Variants in ATG2A observed in about 807,000 individuals in gnomAD.
ATG2A encodes autophagy-related protein 2 homolog A.
Under a neutral mutation model 214.2 loss-of-function variants are expected in ATG2A, and 103 were observed. The ratio of observed to expected loss-of-function variants is 0.48; its 90% CI spans 0.41 to 0.57. The LOEUF is 0.57. Among genes scored for constraint, ATG2A ranks in the 20% least tolerant of loss-of-function variants. The pLI is 0.00. For missense variants in ATG2A, 2,312 were observed against 2,613.2 expected, an observed-to-expected ratio of 0.88 and a Z score of 2.51; for synonymous variants, 1,160 against 1,142.1, an observed-to-expected ratio of 1.02 and a Z score of -0.32.
At position 64,897,213 on chromosome 11, in the gene ATG2A, G is replaced by T. The variant is rs570561764; in HGVS notation, c.5150+199C>A. The T allele has an allele frequency of 2.4e-5, 16 of 655,472 alleles. No homozygotes were observed. In the East Asian group the frequency reaches 3.1e-4, roughly 13 times the overall value. The allele number at this position is 655,472 out of a possible 1,614,324, so 40.6% of individuals were successfully genotyped here. ...TTGTATTTTTAGTAGAGACGGGGGGGTTTCACCATGTTGGTCAGGCTGGTC... is the reference window on the plus strand; with the variant it reads ...TTGTATTTTTAGTAGAGACGGGGGGTTTTCACCATGTTGGTCAGGCTGGTC... On this transcript the variant is annotated intron_variant, in intron 37 of 40. Transcript: ENST00000377264.
chr11:64,909,387 TA>T lies in ATG2A; in HGVS notation c.2108-21del. 1 of 1,602,182 alleles carries T rather than the reference TA, an allele frequency of 6.2e-7. No homozygotes were observed. Among genetic ancestry groups the T allele is most frequent in the South Asian group, 1.1e-5 (1 of 90,820 alleles). On this transcript the variant is annotated intron_variant, in intron 14 of 40. Transcript: ENST00000377264. The stretch of plus-strand genomic sequence containing the variant: ...AGATACCTGGAGGGGGATGGGGAAT[TA>T]GGGGGGTCATCACTGCTGCCTTTTC...
At chr11:64,915,661 G>A (rs925262551) in intron 1 of ATG2A, among the ~76,000 whole-genome samples, 5 of 152,120 alleles carry the variant, frequency 3.3e-5, no homozygotes, top group African/African-American at 4.8e-5. Context: ...GAGTAGGGGC[G>A]TTTTCTGGAG....
Position 64,906,796 on chromosome 11 carries a change from A to G in ATG2A, c.2852T>C (p.Leu951Pro). 1 of 1,613,282 alleles carries G rather than the reference A, an allele frequency of 6.2e-7. No individual in the cohort carries two copies. Among genetic ancestry groups the G allele is most frequent in the Non-Finnish European group, 8.5e-7 (1 of 1,179,906 alleles). ...CETKDEGGKR[L>P]EAVHGELVLD... Reference sequence around the variant, plus strand: ...CACCAGCTCCCCGTGCACAGCCTCCAGCCGCTTCCCACCCTCATCCTGCAG... The same window carrying G: ...CACCAGCTCCCCGTGCACAGCCTCCGGCCGCTTCCCACCCTCATCCTGCAG... The change falls in exon 20 of 41, where the codon CTG becomes CCG. Residue 951 changes from leucine to proline, a missense_variant. By Grantham distance (98) the Leu-to-Pro change is moderately conservative (BLOSUM62 -3). Transcript: ENST00000377264.
chr11:64,912,625 C>A, intron 6 of ATG2A: 1 of 563,510 alleles, frequency 1.8e-6, no homozygotes, highest in Non-Finnish European at 3.1e-6. Flanking sequence ...TGGAGTTTCA[C>A]TCTTGTTGCC....
At position 64,898,214 on chromosome 11, in the gene ATG2A, G is replaced by A. The variant is rs1466869042; in HGVS notation, c.4774-44C>T. ...GATGTGGATCAGACTCAGAGGCCTG[G>A]AGACAGTGGGGTCACCCTAGGCTCT... On this transcript the variant is annotated intron_variant, in intron 33 of 40. Coordinates refer to ENST00000377264, the MANE Select transcript of ATG2A (RefSeq NM_015104.3). The surrounding 1 kb of genome is among the most constrained non-coding windows in gnomAD (Gnocchi z 4.5). 8.1e-6 allele frequency: 13 copies of A among 1,613,630 alleles called. No homozygotes were observed. Among genetic ancestry groups the A allele is most frequent in the African/African-American group, 1.3e-5 (1 of 74,906 alleles).
chr11:64,900,765 G>A, intron 30 of ATG2A, 119 bp downstream of exon 30: 4 of 1,441,184 alleles, frequency 2.8e-6, no homozygotes, highest in Non-Finnish European at 3.7e-6. Flanking sequence ...GGAAGGATGA[G>A]GAAACTGAGG....
chr11:64,902,596 G>A lies in ATG2A; in HGVS notation c.3697C>T (p.Leu1233=), dbSNP rs774129863. The change falls in exon 27 of 41, where the codon CTG becomes TTG. Residue 1233 remains leucine (L), a synonymous_variant. Transcript: ENST00000377264. ...CADSCALLVN[L]LQYVMSTGDL... ...CCTGTGCTCATTACGTACTGGAGCA[G>A]GTTGACCAGCAGGGCACAGGAGTCG... 4.3e-6 allele frequency: 7 copies of A among 1,609,766 alleles called. No homozygotes were observed. In the Admixed American group the frequency reaches 8.3e-5, roughly 19 times the overall value.
At chr11:64,908,018 G>T in intron 16 of ATG2A, 128 bp from the exon 17 acceptor site, 1 of 1,130,302 alleles carries the variant, frequency 8.8e-7, no homozygotes, top group Non-Finnish European at 1.3e-6. Context: ...TTCTCTACTG[G>T]GGATGCATGA....
At position 64,906,024 on chromosome 11, in the gene ATG2A, C is replaced by T. The variant is rs1053414741; in HGVS notation, c.3264+89G>A. ...GCTGTGGCCCAGTCCATGTTCCTCCCACCGGCCTCCTCCCACCTAGAGACC... is the reference window on the plus strand; with the variant it reads ...GCTGTGGCCCAGTCCATGTTCCTCCTACCGGCCTCCTCCCACCTAGAGACC... On this transcript the variant is annotated intron_variant, in intron 22 of 40. Transcript: ENST00000377264. 1.1e-4 allele frequency: 158 copies of T among 1,468,826 alleles called. 3 individuals are homozygous for T. The South Asian group carries it at 1.9e-3, about 17-fold the overall frequency. The allele number at this position is 1,468,826 out of a possible 1,614,324, so 91.0% of individuals were successfully genotyped here.
At chr11:64,900,465 G>A (rs751814777) in intron 31 of ATG2A, 29 bp downstream of exon 31, 107 of 1,612,540 alleles carry the variant, frequency 6.6e-5, no homozygotes, top group Admixed American at 2.0e-4. Context: ...TGACACACAC[G>A]TGTAGTAGGC....
intron 31 of ATG2A, among the ~76,000 whole-genome samples, chr11:64,899,364 G>C (rs1423853826): frequency 6.6e-6 from 1 of 152,116 alleles, no homozygotes; most frequent in African/African-American, 2.4e-5. Context: ...TCTCCGTGGA[G>C]AGCCTTCCTT....
rs776692434 is a variant in ATG2A, at chr11:64,905,836, G to T, written c.3277C>A (p.Leu1093Ile). The T allele has an allele frequency of 5.9e-5, 95 of 1,613,364 alleles. No individual in the cohort carries two copies. Among genetic ancestry groups the T allele is most frequent in the Non-Finnish European group, 6.7e-5 (79 of 1,180,002 alleles). Reference sequence around the variant, plus strand: ...AGCACAGGGTCATCCAGCACGTCTAGGAACTCCAACAACTTCAGAGGCCAG... The same window carrying T: ...AGCACAGGGTCATCCAGCACGTCTATGAACTCCAACAACTTCAGAGGCCAG... ...QSWHSQLLEF[L>I]DVLDDPVLGY... Residue 1093 changes from leucine (L) to isoleucine (I), a missense_variant, in exon 23 of 41, where the codon CTA becomes ATA. Coordinates refer to ENST00000377264, the MANE Select transcript of ATG2A (RefSeq NM_015104.3).
In ATG2A at chr11:64,895,089, G is replaced by A. The variant is rs745402992; in HGVS notation, c.5701C>T (p.Leu1901Phe). 9.3e-6 allele frequency: 15 copies of A among 1,612,904 alleles called. No homozygotes were observed. Among genetic ancestry groups the A allele is most frequent in the South Asian group, 4.4e-5 (4 of 91,068 alleles). ...RQLPPTVVKP[L>F]ILATEATSSL... ...GACGTGGCCTCCGTGGCCAGGATGA[G>A]CGGCTTCACCACAGTCGGGGGCAGC... Residue 1901 changes from leucine to phenylalanine, a missense_variant, in exon 41 of 41, where the codon CTC becomes TTC. Physicochemically the swap from Leu to Phe is conservative, Grantham distance 22. Coordinates refer to ENST00000377264, the MANE Select transcript of ATG2A (RefSeq NM_015104.3). The surrounding 1 kb of genome is among the most constrained non-coding windows in gnomAD (Gnocchi z 5.0).
chr11:64,900,766 G>A (rs2136556618), intron 30 of ATG2A, 118 bp downstream of exon 30: 4 of 1,442,184 alleles, frequency 2.8e-6, no homozygotes, highest in Non-Finnish European at 9.2e-7. Context: ...GAAGGATGAG[G>A]AAACTGAGGC....
At position 64,911,213 on chromosome 11, in the gene ATG2A, A is replaced by C; in HGVS notation, c.1291T>G (p.Leu431Val). The change falls in exon 10 of 41, where the codon TTG (leucine) becomes GTG (valine). Residue 431 changes from leucine (L) to valine (V), a missense_variant. By Grantham distance (32) the Leu-to-Val change is conservative (BLOSUM62 1). Coordinates refer to ENST00000377264, the MANE Select transcript of ATG2A (RefSeq NM_015104.3). ...MRPDSLLKMT[L>V]GGVTLTLLQT... The stretch of plus-strand genomic sequence containing the variant: ...AGCAAGGTCAGGGTCACACCCCCCA[A>C]GGTCATCTTCAGCAGCGAGTCAGGG... 1 of 1,614,124 alleles carries C rather than the reference A, an allele frequency of 6.2e-7. No individual in the cohort carries two copies. Among genetic ancestry groups the C allele is most frequent in the Non-Finnish European group, 8.5e-7 (1 of 1,180,034 alleles).
chr11:64,910,920 G>A lies in ATG2A; in HGVS notation c.1501C>T (p.Leu501=), dbSNP rs1403644935. The A allele has an allele frequency of 1.2e-6, 2 of 1,613,106 alleles. No homozygotes were observed. Among genetic ancestry groups the A allele is most frequent in the Non-Finnish European group, 1.7e-6 (2 of 1,179,948 alleles). ...CGCCGGCCCCGACTGCCCGTCCGCA[G>A]CTCCCAGGACAGCTGCACGGCTGTG... ...TGTAVQLSWE[L]RTGSRGRRTT... is the part of the protein sequence containing the mutation. Residue 501 remains leucine (L), a synonymous_variant, in exon 11 of 41, where the codon CTG becomes TTG. Coordinates refer to ENST00000377264, the MANE Select transcript of ATG2A (RefSeq NM_015104.3).
rs751734641 is a variant in ATG2A at position 64,917,015 on chromosome 11, C to A, written c.121G>T (p.Asp41Tyr). 6.2e-7 allele frequency: 1 copy of A among 1,613,800 alleles called. No individual in the cohort carries two copies. The highest frequency in any genetic ancestry group is 8.5e-7 in the Non-Finnish European group (1 of 1,180,004). The change falls in exon 1 of 41, where the codon GAT (aspartate) becomes TAT (tyrosine). Residue 41 changes from aspartate to tyrosine, a missense_variant. Transcript: ENST00000377264. ...EHLSLDQLSLDLYKGSVALRD... is the reference protein window; with the variant it reads ...EHLSLDQLSLYLYKGSVALRD... The stretch of plus-strand genomic sequence containing the variant: ...AGGGCAACGCTGCCCTTGTACAGAT[C>A]GAGGCTGAGCTGGTCCAGGCTGAGG...
chr11:64,900,118 G>A (rs1279132532), intron 31 of ATG2A, among the ~76,000 whole-genome samples: 1 of 149,394 alleles, frequency 6.7e-6, no homozygotes, highest in Non-Finnish European at 1.5e-5. Context: ...TGCTCTCTTC[G>A]GCCTTCCAAA....
rs754112039 is a variant in ATG2A at position 64,905,614 on chromosome 11, G to T, written c.3413C>A (p.Thr1138Asn). Residue 1138 changes from threonine to asparagine, a missense_variant, in exon 24 of 41, where the codon ACC becomes AAC. Thr to Asn is a moderately conservative substitution (Grantham distance 65). Coordinates refer to ENST00000377264, the MANE Select transcript of ATG2A (RefSeq NM_015104.3). ...LPVRVLITAE[T>N]FTLSSNIIMD... ...GATGATGTTGCTGGAGAGAGTGAAG[G>T]TCTCCGCGGTGATGAGGACACGCAC... is the stretch of plus-strand genomic sequence containing the variant. 5 of 1,613,630 alleles carry T rather than the reference G, an allele frequency of 3.1e-6. No homozygotes were observed. The highest frequency in any genetic ancestry group is 4.2e-6 in the Non-Finnish European group (5 of 1,179,914).
Sources: allele counts gnomAD v4.1 joint callset (sites outside exome capture counted in the v4.1 genomes callset), GRCh38; gene constraint gnomAD v4.1.1; non-coding constraint Gnocchi (gnomAD v3.1); transcripts MANE v1.5; gene names NCBI Gene and HGNC (gene_info 2026-07-23, HGNC 2026-07-21).